The following PSD2 variants were observed in gnomAD, a reference collection of about 807,000 sequenced individuals.
The protein encoded by PSD2 is pleckstrin and Sec7 domain containing 2, also known as PH and SEC7 domain-containing protein 2.
In PSD2, 38 loss-of-function variants were observed where a neutral mutation model predicts 69.8. The ratio of observed to expected loss-of-function variants is 0.54; its 90% confidence interval spans 0.42 to 0.71. The LOEUF is 0.71. PSD2 is among the 30% of genes least tolerant of loss of function. The pLI is 0.00. For synonymous variants in PSD2, 412 were observed against 423.0 expected (o/e 0.97, Z 0.32); for missense variants, 943 against 1,014.5 (o/e 0.93, Z 0.96).
At chr5:139,760,494 A>T in the PSD2 span, among the ~76,000 whole-genome samples, 1 of 152,026 alleles carries the variant, frequency 6.6e-6, no homozygotes, top group African/African-American at 2.4e-5. Context: ...TTCCCCTCCC[A>T]AACCTGGCTC....
the PSD2 span, among the ~76,000 whole-genome samples, chr5:139,765,427 G>A: frequency 5.3e-5 from 8 of 152,140 alleles, no homozygotes; most frequent in African/African-American, 1.9e-4. Flanking sequence ...AATCGGCCCA[G>A]TACCCTGCAC....
intron 2 of PSD2, 105 bp downstream of exon 2, chr5:139,809,916 A>T: frequency 8.0e-7 from 1 of 1,256,196 alleles, no homozygotes; most frequent in Non-Finnish European, 1.1e-6. Context: ...TTTCTCACAC[A>T]TAAAATGGGG....
At chr5:139,753,392 C>G in the PSD2 span, among the ~76,000 whole-genome samples, 1 of 152,172 alleles carries the variant, frequency 6.6e-6, no homozygotes, top group Non-Finnish European at 1.5e-5. Flanking sequence ...GACCCTCCCT[C>G]CCAGCTGTCC....
At chr5:139,751,034 G>T in the PSD2 span, among the ~76,000 whole-genome samples, 1 of 152,152 alleles carries the variant, frequency 6.6e-6, no homozygotes, top group African/African-American at 2.4e-5. Context: ...TCCTTATTCA[G>T]GGCCCCAAAT....
In PSD2 at chr5:139,835,779, G is replaced by A. The variant is rs745592432; in HGVS notation, c.1403+13G>A. On this transcript the variant is annotated intron_variant, in intron 9 of 14. Coordinates refer to ENST00000274710, the MANE Select transcript of PSD2 (RefSeq NM_032289.4). ...TGGAATGGGCCATGTGAGTAGTGACGATGGGCACAGGTATGGGGAGCATAC... is the reference window on the plus strand; with the variant it reads ...TGGAATGGGCCATGTGAGTAGTGACAATGGGCACAGGTATGGGGAGCATAC... 3.4e-5 allele frequency: 55 copies of A among 1,613,396 alleles called. No individual in the cohort carries two copies. The highest frequency in any genetic ancestry group is 2.7e-4 in the South Asian group (25 of 91,070).
the PSD2 span, among the ~76,000 whole-genome samples, chr5:139,751,614 T>C: frequency 2.0e-5 from 3 of 152,178 alleles, no homozygotes; most frequent in Non-Finnish European, 4.4e-5. Context: ...AGTTTTGGTA[T>C]CTACAAAGTG....
At chr5:139,799,446 G>A (rs1469349483) in intron 1 of PSD2, among the ~76,000 whole-genome samples, 1 of 152,214 alleles carries the variant, frequency 6.6e-6, no homozygotes. Context: ...ACAGCAAGGG[G>A]AGAGGGCATG....
the PSD2 span, among the ~76,000 whole-genome samples, chr5:139,763,507 C>T: frequency 6.6e-6 from 1 of 152,216 alleles, no homozygotes; most frequent in Non-Finnish European, 1.5e-5. Context: ...AGTGGGCCCA[C>T]TTGTCCCTTG....
chr5:139,813,809 G>C, intron 3 of PSD2, 51 bp downstream of exon 3: 1 of 1,489,892 alleles, frequency 6.7e-7, no homozygotes, highest in South Asian at 1.3e-5. Context: ...GGGAAACTGA[G>C]ACCCAGAGGG....
At chr5:139,781,387 G>A in the PSD2 span, among the ~76,000 whole-genome samples, 1 of 151,746 alleles carries the variant, frequency 6.6e-6, no homozygotes, top group Non-Finnish European at 1.5e-5. Flanking sequence ...CCAGGCTGGA[G>A]TGCAGTGGTG....
At chr5:139,823,245 C>G (rs1163543748) in intron 7 of PSD2, among the ~76,000 whole-genome samples, 1 of 152,226 alleles carries the variant, frequency 6.6e-6, no homozygotes, top group African/African-American at 2.4e-5. Flanking sequence ...CTTCTCATGG[C>G]TCAATAACTC....
At chr5:139,822,696 G>A (rs762268653) in intron 6 of PSD2, 30 bp from the exon 7 acceptor site, 13 of 1,595,944 alleles carry the variant, frequency 8.1e-6, no homozygotes, top group African/African-American at 1.3e-5. Context: ...TTGGATCCTC[G>A]CACTGAGAGT....
chr5:139,747,882 G>A, the PSD2 span, among the ~76,000 whole-genome samples: 1 of 152,248 alleles, frequency 6.6e-6, no homozygotes, highest in Non-Finnish European at 1.5e-5. The surrounding 1 kb of genome is among the most constrained non-coding windows in gnomAD (Gnocchi z 6.7). Context: ...CGCGGGGCTG[G>A]CAGGCAGCCC....
intron 1 of PSD2, among the ~76,000 whole-genome samples, chr5:139,796,975 CA>C (rs1461741239): frequency 1.3e-5 from 2 of 152,018 alleles, no homozygotes; most frequent in African/African-American, 4.8e-5. Flanking sequence ...CTGGGTTCCC[CA>C]GTTCCTTTTT....
chr5:139,768,926 C>T, the PSD2 span, among the ~76,000 whole-genome samples: 2 of 152,162 alleles, frequency 1.3e-5, no homozygotes, highest in Non-Finnish European at 2.9e-5. Flanking sequence ...CCTGTGAACT[C>T]ATGCGTTCAG....
chr5:139,833,786 C>T lies in PSD2; in HGVS notation c.1354C>T (p.Leu452=). 2 of 1,611,574 alleles carry T rather than the reference C, an allele frequency of 1.2e-6. No individual in the cohort carries two copies. Among genetic ancestry groups the T allele is most frequent in the South Asian group, 1.1e-5 (1 of 91,018 alleles). The change falls in exon 8 of 15, where the codon CTG becomes TTG. Residue 452 remains leucine (L), a synonymous_variant. Coordinates refer to ENST00000274710, the MANE Select transcript of PSD2 (RefSeq NM_032289.4). ...TGGCCAAGACTTTGCCAAAGACCTGCTGAAGGTACTGTCTGCTGAGTGTCC... is the reference window on the plus strand; with the variant it reads ...TGGCCAAGACTTTGCCAAAGACCTGTTGAAGGTACTGTCTGCTGAGTGTCC... The part of the protein sequence containing the change: ...NDGQDFAKDL[L]KTLYNSIKNE...
intron 7 of PSD2, among the ~76,000 whole-genome samples, chr5:139,828,273 G>A (rs1260443662): frequency 6.6e-6 from 1 of 152,180 alleles, no homozygotes; most frequent in African/African-American, 2.4e-5. Flanking sequence ...CCAGGGTTGA[G>A]GCAAACAGAG....
chr5:139,762,837 C>A, the PSD2 span, among the ~76,000 whole-genome samples: 2 of 151,850 alleles, frequency 1.3e-5, no homozygotes, highest in Non-Finnish European at 2.9e-5. Flanking sequence ...GCTGTGGCAG[C>A]AGAGAGGGGA....
chr5:139,761,430 C>T, the PSD2 span, among the ~76,000 whole-genome samples: 2 of 152,186 alleles, frequency 1.3e-5, no homozygotes, highest in Non-Finnish European at 2.9e-5. Flanking sequence ...GTTCACCTGT[C>T]AGGGTCTCCA....
Sources: allele counts gnomAD v4.1 joint callset (sites outside exome capture counted in the v4.1 genomes callset), GRCh38; gene constraint gnomAD v4.1.1; non-coding constraint Gnocchi (gnomAD v3.1); transcripts MANE v1.5; gene names NCBI Gene and HGNC (gene_info 2026-07-23, HGNC 2026-07-21).